The following CLSTN1 variants were observed in gnomAD, a reference collection of about 807,000 sequenced individuals.
CLSTN1 encodes calsyntenin 1.
A neutral mutation model predicts 108.3 loss-of-function variants in CLSTN1; 28 were observed. The ratio of observed to expected loss-of-function variants is 0.26; its 90% CI spans 0.19 to 0.35. The LOEUF is 0.35. CLSTN1 is among the 10% of genes least tolerant of loss of function. CLSTN1 has a pLI of 1.00. For missense variants in CLSTN1, 1,157 were observed against 1,302.6 expected (o/e 0.89, Z 1.72); for synonymous variants, 524 against 534.9 (o/e 0.98, Z 0.28).
intron 5 of CLSTN1, among the ~76,000 whole-genome samples, chr1:9,750,906 C>T (rs923104852): frequency 2.6e-5 from 4 of 151,398 alleles, no homozygotes; most frequent in Non-Finnish European, 5.9e-5. Flanking sequence ...CAAACAACAA[C>T]AACAAAAAAT....
At chr1:9,742,777 G>A (rs552942809) in intron 9 of CLSTN1, among the ~76,000 whole-genome samples, 4 of 152,128 alleles carry the variant, frequency 2.6e-5, no homozygotes, top group African/African-American at 7.2e-5. Flanking sequence ...GCGTGGTGGC[G>A]CACGCCTGTA....
rs1650244125 is a variant in CLSTN1 at position 9,729,821 on chromosome 1, GACTCCCAGCCAT to G, written c.*675_*686del. On this transcript the variant is annotated 3_prime_UTR_variant, in exon 19 of 19. Coordinates refer to ENST00000377298, the MANE Select transcript of CLSTN1 (RefSeq NM_001009566.3). ...GCACAGCTAGAGGCCTGTGGCCCCC[GACTCCCAGCCAT>G]ACTCAGACCTGAGCAGGGGCTGGGG... 1 of 152,950 alleles carries G rather than the reference GACTCCCAGCCAT, an allele frequency of 6.5e-6. No homozygotes were observed. The highest frequency in any genetic ancestry group is 6.5e-5 in the Admixed American group (1 of 15,400). 9.5% of individuals were successfully genotyped at this position (152,950 alleles called of 1,614,324 possible). A position where few individuals can be genotyped will look rare whatever the true frequency, so the allele number is the denominator to read the frequency against.
At chr1:9,807,555 G>T (rs1654558305) in intron 1 of CLSTN1, among the ~76,000 whole-genome samples, 2 of 152,210 alleles carry the variant, frequency 1.3e-5, no homozygotes, top group Non-Finnish European at 2.9e-5. Context: ...CAATATTTCA[G>T]TTAAATTCTT....
At position 9,743,984 on chromosome 1, in the gene CLSTN1, G is replaced by C; in HGVS notation, c.1256C>G (p.Ser419Cys). 1 of 1,614,174 alleles carries C rather than the reference G, an allele frequency of 6.2e-7. No individual in the cohort carries two copies. Among genetic ancestry groups the C allele is most frequent in the Non-Finnish European group, 8.5e-7 (1 of 1,180,012 alleles). ...CAGCCGGCACCCGTGGACATAGAGGGAGTAGTGGTGCCGATTCATATCTGC... is the reference window on the plus strand; with the variant it reads ...CAGCCGGCACCCGTGGACATAGAGGCAGTAGTGGTGCCGATTCATATCTGC... ...DKTDMNRHHY[S>C]LYVHGCRLIF... Residue 419 changes from serine (S) to cysteine (C), a missense_variant, in exon 9 of 19, where the codon TCC (serine) becomes TGC (cysteine). By Grantham distance (112) the Ser-to-Cys change is moderately radical. Transcript: ENST00000377298.
At position 9,751,614 on chromosome 1, in the gene CLSTN1, T is replaced by C. The variant is rs749929476; in HGVS notation, c.508A>G (p.Lys170Glu). 1 of 1,614,190 alleles carries C rather than the reference T, an allele frequency of 6.2e-7. No homozygotes were observed. The highest frequency in any genetic ancestry group is 1.1e-5 in the South Asian group (1 of 91,082). Residue 170 changes from lysine to glutamate, a missense_variant, in exon 5 of 19, where the codon AAA becomes GAA. By Grantham distance (56) the Lys-to-Glu change is moderately conservative. Coordinates refer to ENST00000377298, the MANE Select transcript of CLSTN1 (RefSeq NM_001009566.3). The stretch of plus-strand genomic sequence containing the variant: ...TGCTTCCCCTCGATGACCGTGGCTT[T>C]GTAGGACTTCTCCTTGAACACGGGC... The part of the protein sequence containing the change: ...YAPVFKEKSY[K>E]ATVIEGKQYD...
Position 9,731,406 on chromosome 1 carries a change from G to GGGGC in CLSTN1, c.2564-20_2564-17dup, listed in dbSNP as rs775709621. ...CTGGGGACGACTGTGGGAGAATGAG[G>GGGGC]GGGCGGGATGCGAGGTCACTCGGCC... is the stretch of plus-strand genomic sequence containing the variant. On this transcript the variant is annotated splice_polypyrimidine_tract_variant and intron_variant, in intron 17 of 18. Transcript: ENST00000377298. The GGGGC allele has an allele frequency of 6.2e-7, 1 of 1,608,660 alleles. No individual in the cohort carries two copies. Among genetic ancestry groups the GGGGC allele is most frequent in the South Asian group, 1.1e-5 (1 of 90,980 alleles).
rs1650952996 is a variant in CLSTN1, at chr1:9,740,974, G to A, written c.1519+120C>T. ...AAAAGGCTGTACACAGGAAATGGAA[G>A]GAAAAGATCCAGGACACGAGGGTAA... On this transcript the variant is annotated intron_variant, in intron 10 of 18. Coordinates refer to ENST00000377298, the MANE Select transcript of CLSTN1 (RefSeq NM_001009566.3). 3 of 1,131,706 alleles carry A rather than the reference G, an allele frequency of 2.7e-6. No homozygotes were observed. In the African/African-American group the frequency reaches 4.6e-5, roughly 17 times the overall value. The allele number at this position is 1,131,706 out of a possible 1,614,324, so 70.1% of individuals were successfully genotyped here. A position where few individuals can be genotyped will look rare whatever the true frequency, so the allele number is the denominator to read the frequency against.
At position 9,730,374 on chromosome 1, in the gene CLSTN1, C is replaced by T. The variant is rs945666148; in HGVS notation, c.*134G>A. 17 of 818,074 alleles carry T rather than the reference C, an allele frequency of 2.1e-5. No individual in the cohort carries two copies. Among genetic ancestry groups the T allele is most frequent in the African/African-American group, 1.3e-4 (8 of 59,908 alleles). The allele number at this position is 818,074 out of a possible 1,614,324, so 50.7% of individuals were successfully genotyped here. A position where few individuals can be genotyped will look rare whatever the true frequency, so the allele number is the denominator to read the frequency against. On this transcript the variant is annotated 3_prime_UTR_variant, in exon 19 of 19. Coordinates refer to ENST00000377298, the MANE Select transcript of CLSTN1 (RefSeq NM_001009566.3). The surrounding 1 kb of genome is among the most constrained non-coding windows in gnomAD (Gnocchi z 5.6). ...CTAGGGTCCTACACACCAAGCACAG[C>T]GACGATCGTGGCGGGGAGGGGTCTG... is the stretch of plus-strand genomic sequence containing the variant.
chr1:9,771,397 C>G (rs59660024), intron 2 of CLSTN1, among the ~76,000 whole-genome samples: 1,887 of 152,166 alleles, frequency 0.012, 39 homozygotes, highest in African/African-American at 0.043. Flanking sequence ...GGGTGGATCA[C>G]AAGGTCAGGA....
chr1:9,766,318 C>G (rs1010145480), intron 2 of CLSTN1, among the ~76,000 whole-genome samples: 3 of 152,086 alleles, frequency 2.0e-5, no homozygotes, highest in Admixed American at 2.0e-4. Context: ...ACCCTGTGGC[C>G]CACACATGAG....
chr1:9,814,003 G>A (rs935226966), intron 1 of CLSTN1, among the ~76,000 whole-genome samples: 4 of 152,046 alleles, frequency 2.6e-5, no homozygotes, highest in African/African-American at 9.7e-5. Flanking sequence ...TCAGGAGGCT[G>A]AGGCAGGAGA....
chr1:9,786,246 T>C (rs919429847), intron 1 of CLSTN1, among the ~76,000 whole-genome samples: 11 of 152,124 alleles, frequency 7.2e-5, no homozygotes, highest in African/African-American at 2.4e-4. Context: ...AACAGAACAA[T>C]TGAGTTTTTT....
At chr1:9,797,883 C>T (rs1409291667) in intron 1 of CLSTN1, among the ~76,000 whole-genome samples, 3 of 151,780 alleles carry the variant, frequency 2.0e-5, no homozygotes, top group African/African-American at 7.3e-5. Flanking sequence ...CACTTGCGAC[C>T]AGGAGTTCGA....
intron 1 of CLSTN1, among the ~76,000 whole-genome samples, chr1:9,820,926 G>C (rs1299459125): frequency 6.6e-6 from 1 of 152,204 alleles, no homozygotes; most frequent in Non-Finnish European, 1.5e-5. Flanking sequence ...GTCTCACTAA[G>C]CCTATGTGCA....
chr1:9,756,638 G>A (rs996141855), intron 2 of CLSTN1, 128 bp from the exon 3 acceptor site: 15 of 696,748 alleles, frequency 2.2e-5, no homozygotes, highest in Non-Finnish European at 3.7e-5. Flanking sequence ...CGGCTTCTAC[G>A]ATTGCTACAG....
intron 1 of CLSTN1, among the ~76,000 whole-genome samples, chr1:9,807,927 C>T (rs893655920): frequency 2.6e-5 from 4 of 152,210 alleles, no homozygotes; most frequent in African/African-American, 4.8e-5. Context: ...TCTGGTACCT[C>T]GGCCTCCTAG....
intron 9 of CLSTN1, among the ~76,000 whole-genome samples, chr1:9,742,121 A>G (rs894776342): frequency 1.3e-5 from 2 of 152,176 alleles, no homozygotes; most frequent in Non-Finnish European, 2.9e-5. Context: ...TCTGGGTCGT[A>G]ACTCAAACAA....
intron 1 of CLSTN1, among the ~76,000 whole-genome samples, chr1:9,801,535 T>C (rs1321850203): frequency 6.6e-6 from 1 of 151,992 alleles, no homozygotes; most frequent in African/African-American, 2.4e-5. Context: ...CCTAACTCAT[T>C]CTGTGAGGTC....
chr1:9,778,966 T>A (rs998696205), intron 1 of CLSTN1, among the ~76,000 whole-genome samples: 3 of 150,480 alleles, frequency 2.0e-5, no homozygotes, highest in Admixed American at 6.6e-5. Context: ...GAGGTTGCAG[T>A]GTGCCAAGAC....
Sources: gnomAD v4.1 joint callset for allele counts (sites outside exome capture counted in the v4.1 genomes callset) on GRCh38, gnomAD v4.1.1 for gene constraint, Gnocchi (gnomAD v3.1) non-coding constraint, MANE v1.5 for transcripts, NCBI Gene and HGNC (gene_info 2026-07-23, HGNC 2026-07-21) for gene names.